UROS: variants seen among roughly 807,000 people sequenced by gnomAD.
UROS encodes uroporphyrinogen III synthase.
In UROS, 18 loss-of-function variants were observed where a neutral mutation model predicts 33.0. That is an observed-to-expected ratio of 0.55 (90% CI 0.38 to 0.81). UROS has a LOEUF of 0.81. UROS is among the 30% of genes least tolerant of loss of function. The pLI, the probability that UROS is intolerant of heterozygous loss-of-function variation, is 0.00. For missense variants in UROS, 293 were observed against 314.9 expected (o/e 0.93, Z 0.53); for synonymous variants, 114 against 121.1 (o/e 0.94, Z 0.38).
intron 9 of UROS, chr10:125,793,142 A>G (rs1438626812): frequency 6.6e-6 from 1 of 152,234 alleles, no homozygotes; most frequent in African/African-American, 2.4e-5. Flanking sequence ...GGGTGTGGAC[A>G]ATGCAGGCAG....
rs913231688 is a variant in UROS, at chr10:125,815,136, C to T, written c.148-6G>A. 3 of 1,614,018 alleles carry T rather than the reference C, an allele frequency of 1.9e-6. No homozygotes were observed. The highest frequency in any genetic ancestry group is 1.7e-6 in the Non-Finnish European group (2 of 1,179,928). Reference sequence around the variant, plus strand: ...TAATCTTCAGGATGAGAAAGCTGCACACCAAAAAGCAATAAAGACATTTTA... The same window carrying T: ...TAATCTTCAGGATGAGAAAGCTGCATACCAAAAAGCAATAAAGACATTTTA... On this transcript the variant is annotated splice_polypyrimidine_tract_variant and splice_region_variant and intron_variant, in intron 3 of 9. Coordinates refer to ENST00000368797, the MANE Select transcript of UROS (RefSeq NM_000375.3).
intron 6 of UROS, among the ~76,000 whole-genome samples, chr10:125,800,803 C>A (rs1377371497): frequency 6.6e-6 from 1 of 152,130 alleles, no homozygotes; most frequent in African/African-American, 2.4e-5. Context: ...CTCCTGACTT[C>A]AGGTGATCCA....
rs375249849 is a variant in UROS at position 125,798,050 on chromosome 10, A to G, written c.475+15T>C. On this transcript the variant is annotated intron_variant, in intron 7 of 9. Transcript: ENST00000368797. ...CCCAAAGTGGTAAGGGATGCAGTCA[A>G]AGCATTCTACTCGCCTTTGTCCTTG... 3 of 1,613,630 alleles carry G rather than the reference A, an allele frequency of 1.9e-6. No homozygotes were observed. Among genetic ancestry groups the G allele is most frequent in the Non-Finnish European group, 2.5e-6 (3 of 1,179,664 alleles).
At chr10:125,815,938 A>G (rs1324386039) in intron 3 of UROS, among the ~76,000 whole-genome samples, 1 of 152,190 alleles carries the variant, frequency 6.6e-6, no homozygotes, top group African/African-American at 2.4e-5. Context: ...TGCTGCTCTC[A>G]CCATGACCTG....
chr10:125,789,908 G>T (rs1422517514), intron 9 of UROS, among the ~76,000 whole-genome samples: 1 of 152,208 alleles, frequency 6.6e-6, no homozygotes, highest in Non-Finnish European at 1.5e-5. Context: ...ATGAGAGAAG[G>T]TCCTCATCCC....
intron 1 of UROS, chr10:125,816,769 A>T (rs1284107287): frequency 3.5e-6 from 2 of 566,798 alleles, no homozygotes; most frequent in Non-Finnish European, 6.3e-6. Context: ...CATTAGTGAA[A>T]GCCAAGTGTC....
chr10:125,798,202 G>C, intron 6 of UROS, 57 bp from the exon 7 acceptor site: 1 of 1,576,882 alleles, frequency 6.3e-7, no homozygotes, highest in Non-Finnish European at 8.7e-7. Context: ...GTGCACAGGG[G>C]AATGGGGAGG....
chr10:125,803,012 T>C (rs778743994), intron 6 of UROS: 5 of 1,612,910 alleles, frequency 3.1e-6, no homozygotes, highest in Non-Finnish European at 4.2e-6. Context: ...AAAGATTCCT[T>C]TGACTTCTTC....
At chr10:125,790,856 C>T (rs951979187) in intron 9 of UROS, among the ~76,000 whole-genome samples, 1 of 150,818 alleles carries the variant, frequency 6.6e-6, no homozygotes, top group Non-Finnish European at 1.5e-5. Context: ...TTTGGCAGGC[C>T]GAGGTGGGCA....
chr10:125,811,715 T>C (rs1852829285), intron 5 of UROS, among the ~76,000 whole-genome samples: 1 of 152,226 alleles, frequency 6.6e-6, no homozygotes, highest in Admixed American at 6.5e-5. Context: ...ATGCTCAATG[T>C]TAATTTTTAA....
chr10:125,804,449 A>AT (rs1491141572), intron 6 of UROS, among the ~76,000 whole-genome samples: 2 of 152,288 alleles, frequency 1.3e-5, no homozygotes, highest in East Asian at 3.9e-4. Flanking sequence ...ATCAGTACAC[A>AT]TAAGTGTTTC....
At chr10:125,794,804 G>T in intron 9 of UROS, 76 bp downstream of exon 9, 2 of 1,387,016 alleles carry the variant, frequency 1.4e-6, no homozygotes, top group South Asian at 2.5e-5. Flanking sequence ...TGACATTGAA[G>T]CCCTAGGATA....
At chr10:125,822,630 G>A (rs1854066030) in intron 1 of UROS, among the ~76,000 whole-genome samples, 1 of 152,048 alleles carries the variant, frequency 6.6e-6, no homozygotes, top group African/African-American at 2.4e-5. Flanking sequence ...GCTAATTTTT[G>A]TACTTTTAGC....
At position 125,812,299 on chromosome 10, in the gene UROS, T is replaced by A; in HGVS notation, c.245-11A>T. ...GAGACCTTTCCCAGACTGTAAAACA[T>A]GAAATGATATGTGAATTGCAAATAC... On this transcript the variant is annotated splice_polypyrimidine_tract_variant and intron_variant, in intron 4 of 9. Coordinates refer to ENST00000368797, the MANE Select transcript of UROS (RefSeq NM_000375.3). 6.2e-7 allele frequency: 1 copy of A among 1,612,902 alleles called. No homozygotes were observed. Among genetic ancestry groups the A allele is most frequent in the Non-Finnish European group, 8.5e-7 (1 of 1,179,334 alleles).
intron 8 of UROS, among the ~76,000 whole-genome samples, chr10:125,795,766 C>A (rs1053788705): frequency 6.6e-6 from 1 of 152,212 alleles, no homozygotes; most frequent in Admixed American, 6.5e-5. Flanking sequence ...TAAATTATCT[C>A]CTTTAACCCC....
rs901648031 is a variant in UROS, at chr10:125,816,487, A to C, written c.13T>G (p.Leu5Val). Reference protein sequence around the residue: MKVLLLKDAKEDDCG... With the variant: MKVLVLKDAKEDDCG... ...TCATCTTCCTTCGCATCCTTCAGTA[A>C]AAGAACCTTCATTATTGCCTGGCAG... The change falls in exon 2 of 10, where the codon TTA (leucine) becomes GTA (valine). Residue 5 changes from leucine (L) to valine (V), a missense_variant. Leu to Val is a conservative substitution (Grantham distance 32). Transcript: ENST00000368797. The C allele has an allele frequency of 1.2e-6, 2 of 1,614,186 alleles. No individual in the cohort carries two copies. Among genetic ancestry groups the C allele is most frequent in the Admixed American group, 3.3e-5 (2 of 60,022 alleles).
intron 3 of UROS, 34 bp from the exon 4 acceptor site, chr10:125,815,164 C>T (rs371826677): frequency 3.0e-5 from 49 of 1,607,742 alleles, no homozygotes; most frequent in Middle Eastern, 1.7e-4. Context: ...ACATTTTATA[C>T]GATGGCTATG....
In UROS at chr10:125,823,246, C is replaced by G. The variant is rs1368709569; in HGVS notation, c.-244G>C. ...GCGTGGGTGGCTGCGCGCAGCTAGG[C>G]GCTCGCGCATGCGCACCGCCATCCA... On this transcript the variant is annotated 5_prime_UTR_variant, in exon 1 of 10. Transcript: ENST00000368797. 1.1e-5 allele frequency: 3 copies of G among 269,464 alleles called. No individual in the cohort carries two copies. Among genetic ancestry groups the G allele is most frequent in the African/African-American group, 6.7e-5 (3 of 45,014 alleles). 16.7% of individuals were successfully genotyped at this position (269,464 alleles called of 1,614,324 possible).
At chr10:125,822,179 G>GGAA (rs969645445) in intron 1 of UROS, among the ~76,000 whole-genome samples, 20 of 152,276 alleles carry the variant, frequency 1.3e-4, no homozygotes, top group Non-Finnish European at 1.0e-4. Context: ...TCTCGCAATG[G>GGAA]GAAGACCTGG....
Sources: allele counts gnomAD v4.1 joint callset (sites outside exome capture counted in the v4.1 genomes callset), GRCh38; gene constraint gnomAD v4.1.1; transcripts MANE v1.5; gene names NCBI Gene and HGNC (gene_info 2026-07-23, HGNC 2026-07-21).